SGIP1: variants seen among roughly 807,000 people sequenced by gnomAD.
SGIP1 encodes SH3GL interacting endocytic adaptor 1, also known as SH3-containing GRB2-like protein 3-interacting protein 1.
SGIP1 carries 38 observed loss-of-function variants against 107.5 expected under a neutral mutation model. That is an observed-to-expected ratio of 0.35 (90% CI 0.27 to 0.46). The LOEUF (loss-of-function observed/expected upper bound fraction) is 0.46, where lower values mean the gene tolerates loss of function less well. SGIP1 is among the 20% of genes least tolerant of loss of function. The pLI, the probability that SGIP1 is intolerant of heterozygous loss-of-function variation, is 1.00. For synonymous variants in SGIP1, 365 were observed against 366.1 expected, an observed-to-expected ratio of 1.00 and a Z score of 0.03; for missense variants, 929 against 1,019.5, an observed-to-expected ratio of 0.91 and a Z score of 1.21.
intron 2 of SGIP1, 59 bp from the exon 3 acceptor site, chr1:66,633,011 A>ACT: frequency 9.3e-7 from 1 of 1,072,712 alleles, no homozygotes; most frequent in Non-Finnish European, 1.5e-6. Context: ...GTTGTACTTT[A>ACT]GTCTATGTGG....
rs763824517 is a variant in SGIP1 at position 66,750,037 on chromosome 1, GTGTGT to G, written c.*6943_*6947del. On this transcript the variant is annotated 3_prime_UTR_variant, in exon 25 of 25. Coordinates refer to ENST00000371037, the MANE Select transcript of SGIP1 (RefSeq NM_032291.4). ...TCTCTTTCTCTGTGTGTGTGTGGGGGTGTGTGTGTGTGTGTGTGTGTGTGTGTGTG... is the reference window on the plus strand; with the variant it reads ...TCTCTTTCTCTGTGTGTGTGTGGGGGGTGTGTGTGTGTGTGTGTGTGTGTG... 0.011 allele frequency among the ~76,000 whole-genome samples: 918 copies of G among 80,646 alleles called. 13 individuals are homozygous for G. Among genetic ancestry groups the G allele is most frequent in the Non-Finnish European group, 8.9e-3 (356 of 39,986 alleles). The allele number at this position is 80,646 out of a possible 152,430, so 52.9% of individuals were successfully genotyped here.
intron 9 of SGIP1, 27 bp downstream of exon 9, chr1:66,667,568 A>T: frequency 6.2e-7 from 1 of 1,612,074 alleles, no homozygotes; most frequent in Non-Finnish European, 8.5e-7. Flanking sequence ...TTTTTACCTT[A>T]AACATGTATA....
chr1:66,551,844 A>T (rs773318503), intron 1 of SGIP1, among the ~76,000 whole-genome samples: 4 of 152,142 alleles, frequency 2.6e-5, no homozygotes, highest in Admixed American at 6.5e-5. Context: ...GAAGTCCAAG[A>T]TTGTAGATTC....
chr1:66,579,700 T>C (rs2061557334), intron 1 of SGIP1, among the ~76,000 whole-genome samples: 1 of 152,192 alleles, frequency 6.6e-6, no homozygotes, highest in South Asian at 2.1e-4. Flanking sequence ...ATAATCTTTG[T>C]TCATGCTTCT....
intron 1 of SGIP1, among the ~76,000 whole-genome samples, chr1:66,557,685 A>AT (rs1429790195): frequency 1.3e-5 from 2 of 152,156 alleles, no homozygotes; most frequent in African/African-American, 2.4e-5. Context: ...GGAGAGAAAT[A>AT]GGTAAGCACA....
chr1:66,730,545 CA>C (rs1369393407), intron 20 of SGIP1, among the ~76,000 whole-genome samples: 1 of 152,180 alleles, frequency 6.6e-6, no homozygotes, highest in African/African-American at 2.4e-5. Flanking sequence ...CATACCACTG[CA>C]ATTGCCTTCT....
At chr1:66,564,233 T>C (rs960145972) in intron 1 of SGIP1, among the ~76,000 whole-genome samples, 1 of 151,910 alleles carries the variant, frequency 6.6e-6, no homozygotes, top group Non-Finnish European at 1.5e-5. Context: ...AGAATGACCT[T>C]CCCTATGTCC....
At chr1:66,708,768 A>C (rs2092702182) in intron 18 of SGIP1, among the ~76,000 whole-genome samples, 2 of 123,316 alleles carry the variant, frequency 1.6e-5, no homozygotes. Flanking sequence ...ACTGAGCAGA[A>C]TTTGAAAAGC....
chr1:66,712,737 G>A (rs898871056), intron 18 of SGIP1, among the ~76,000 whole-genome samples: 6 of 152,074 alleles, frequency 3.9e-5, no homozygotes, highest in African/African-American at 1.4e-4. Flanking sequence ...GATGTCAGAT[G>A]TCATACTTCT....
chr1:66,741,819 C>G (rs894555763), intron 24 of SGIP1, among the ~76,000 whole-genome samples: 9 of 151,624 alleles, frequency 5.9e-5, no homozygotes, highest in African/African-American at 1.9e-4. Flanking sequence ...CCAGGCTGGA[C>G]TGCAGTGGCG....
At chr1:66,740,634 A>C in intron 22 of SGIP1, 24 bp from the exon 23 acceptor site, 1 of 1,542,370 alleles carries the variant, frequency 6.5e-7, no homozygotes, top group East Asian at 2.3e-5. Flanking sequence ...ATATGCAAAA[A>C]CCTTTTACCT....
chr1:66,625,239 C>A (rs548188794), intron 1 of SGIP1, among the ~76,000 whole-genome samples: 1 of 152,268 alleles, frequency 6.6e-6, no homozygotes, highest in East Asian at 1.9e-4. Flanking sequence ...AAATTCTAAA[C>A]GTCCACAAAA....
rs147946276 is a variant in SGIP1 at position 66,719,334 on chromosome 1, G to A, written c.1671G>A (p.Gln557=). 1.0e-4 allele frequency: 161 copies of A among 1,613,422 alleles called. No individual in the cohort carries two copies. The African/African-American group carries it at 2.0e-3, about 20-fold the overall frequency. The change falls in exon 19 of 25, where the codon CAG becomes CAA. Residue 557 remains glutamine (Q), a synonymous_variant. Transcript: ENST00000371037. ...CCAGCCCCCTAACCATGGGAGCTCA[G>A]GACACTCTCCCTGTTGCAGCAGCAT... The part of the protein sequence containing the change: ...RGPSPLTMGA[Q]DTLPVAAAFT...
chr1:66,636,909 T>C (rs535870557), intron 4 of SGIP1, among the ~76,000 whole-genome samples: 13 of 152,296 alleles, frequency 8.5e-5, no homozygotes, highest in South Asian at 2.1e-4. Context: ...GAACAGATAA[T>C]GTATGCCTAA....
chr1:66,547,818 G>C (rs1467965460), intron 1 of SGIP1, among the ~76,000 whole-genome samples: 1 of 152,076 alleles, frequency 6.6e-6, no homozygotes, highest in Non-Finnish European at 1.5e-5. Context: ...GAGAATGGGA[G>C]GGGTGGCGGT....
intron 1 of SGIP1, among the ~76,000 whole-genome samples, chr1:66,539,225 A>G (rs1002552283): frequency 4.6e-5 from 7 of 152,194 alleles, no homozygotes; most frequent in Admixed American, 3.3e-4. Context: ...TAACTGAATA[A>G]GAAAGAGGTC....
chr1:66,542,446 A>T (rs1449723582), intron 1 of SGIP1, among the ~76,000 whole-genome samples: 1 of 152,108 alleles, frequency 6.6e-6, no homozygotes, highest in Non-Finnish European at 1.5e-5. Flanking sequence ...GGAGTGAATG[A>T]CGTATGCATT....
intron 1 of SGIP1, among the ~76,000 whole-genome samples, chr1:66,558,776 G>C (rs898998605): frequency 6.6e-6 from 1 of 151,214 alleles, no homozygotes; most frequent in Non-Finnish European, 1.5e-5. Flanking sequence ...TGGTTTTGTG[G>C]GTGTGTAGTT....
intron 11 of SGIP1, among the ~76,000 whole-genome samples, chr1:66,672,474 G>C (rs1037414858): frequency 6.6e-6 from 1 of 152,056 alleles, no homozygotes; most frequent in Non-Finnish European, 1.5e-5. Context: ...TGTACAAATG[G>C]CATTGTTTTA....
Sources: allele counts gnomAD v4.1 joint callset (sites outside exome capture counted in the v4.1 genomes callset), GRCh38; gene constraint gnomAD v4.1.1; transcripts MANE v1.5; gene names NCBI Gene and HGNC (gene_info 2026-07-23, HGNC 2026-07-21).